The following SCAND1 variants were observed in gnomAD, a reference collection of about 807,000 sequenced individuals.
SCAND1 encodes the protein SCAN domain containing 1.
A neutral mutation model predicts 3.4 loss-of-function variants in SCAND1; 3 were observed. That is an observed-to-expected ratio of 0.87 (90% CI 0.40 to 2.25). SCAND1 has a LOEUF of 2.25. Among genes scored for constraint, SCAND1 ranks in the 30% most tolerant of loss-of-function variants. The probability of loss-of-function intolerance (pLI) is 0.05; values close to 1 mark genes in which losing one functional copy is unlikely to be tolerated. For synonymous variants in SCAND1, 152 were observed against 120.5 expected, an observed-to-expected ratio of 1.26 and a Z score of -1.72; for missense variants, 303 against 258.8, an observed-to-expected ratio of 1.17 and a Z score of -1.17.
At chr20:35,956,857 T>G (rs2056261646), upstream of SCAND1, among the ~76,000 whole-genome samples, 1 of 152,226 alleles carries the variant, frequency 6.6e-6, no homozygotes, top group African/African-American at 2.4e-5. Flanking sequence ...TAGAAGGTAC[T>G]GCCTGTACAA....
In SCAND1 at chr20:35,954,125, T is replaced by C. The variant is rs775588679; in HGVS notation, c.160A>G (p.Asn54Asp). 1.3e-6 allele frequency: 2 copies of C among 1,554,608 alleles called. No homozygotes were observed. The highest frequency in any genetic ancestry group is 1.2e-5 in the South Asian group (1 of 85,748). ...GGGATGGCTTCAGGGACCGCGGCGT[T>C]GGGACTGGAAGGCTCAGGGGCAGGC... ...SPPAPEPSSP[N>D]AAVPEAIPTP... Residue 54 changes from asparagine to aspartate, a missense_variant, in exon 2 of 2, where the codon AAC (asparagine) becomes GAC (aspartate). Transcript: ENST00000305978.
upstream of SCAND1, chr20:35,954,508 G>A (rs1293254763): frequency 6.5e-7 from 1 of 1,534,568 alleles, no homozygotes; most frequent in Middle Eastern, 1.7e-4. Flanking sequence ...TCTGCGTCCA[G>A]GTCGGCGCGC....
chr20:35,954,839 A>T, upstream of SCAND1: 1 of 313,238 alleles, frequency 3.2e-6, no homozygotes, highest in Non-Finnish European at 6.5e-6. Flanking sequence ...GATTAGGGTG[A>T]CGGCTGGCCG....
In SCAND1 at chr20:35,954,342, G is replaced by A. The variant is rs761280979; in HGVS notation, c.-55-3C>T. On this transcript the variant is annotated splice_region_variant and splice_polypyrimidine_tract_variant and intron_variant, in intron 1 of 1. Coordinates refer to ENST00000305978, the MANE Select transcript of SCAND1 (RefSeq NM_033630.3). ...TAGCTGTGTGCTCAGCACTGCGTCT[G>A]CGCGGGGGTGGGGTGAGCAGGGAGA... 74 of 1,609,012 alleles carry A rather than the reference G, an allele frequency of 4.6e-5. 1 individual carries two copies. Among genetic ancestry groups the A allele is most frequent in the Non-Finnish European group, 3.7e-5 (44 of 1,177,700 alleles).
In SCAND1 at chr20:35,954,009, G is replaced by A; in HGVS notation, c.276C>T (p.Arg92=). 14 of 1,547,440 alleles carry A rather than the reference G, an allele frequency of 9.0e-6. No individual in the cohort carries two copies. Among genetic ancestry groups the A allele is most frequent in the Non-Finnish European group, 1.1e-5 (13 of 1,146,038 alleles). The change falls in exon 2 of 2, where the codon CGC becomes CGT. Residue 92 remains arginine (R), a synonymous_variant. Coordinates refer to ENST00000305978, the MANE Select transcript of SCAND1 (RefSeq NM_033630.3). ...TAGAGCCGGCGGGGCCTGGTGTGGA[G>A]CGCGCTTCAGCTTCGGCCTGAGGCG... The part of the protein sequence containing the change: ...SVAPQAEAEA[R]STPGPAGSRL...
At position 35,953,882 on chromosome 20, in the gene SCAND1, G is replaced by A. The variant is rs2056207244; in HGVS notation, c.403C>T (p.Gln135Ter). The A allele has an allele frequency of 1.3e-6, 2 of 1,577,354 alleles. No homozygotes were observed. The highest frequency in any genetic ancestry group is 1.4e-5 in the African/African-American group (1 of 73,960). ...AFRQLRELSR[Q>*]WLRPDIRTKE... ...GTGCGGATGTCAGGCCGCAGCCACTGGCGGGACAGCTCCCGCAGCTGCCGG... is the reference window on the plus strand; with the variant it reads ...GTGCGGATGTCAGGCCGCAGCCACTAGCGGGACAGCTCCCGCAGCTGCCGG... Residue 135 changes from glutamine to a stop codon, truncating the protein, a stop_gained, in exon 2 of 2, where the codon CAG (glutamine) becomes TAG (stop). Transcript: ENST00000305978. LOFTEE classifies it high-confidence loss of function.
At position 35,954,496 on chromosome 20, in the gene SCAND1, T is replaced by C; in HGVS notation, c.-104A>G. 1 of 1,541,826 alleles carries C rather than the reference T, an allele frequency of 6.5e-7. No individual in the cohort carries two copies. The highest frequency in any genetic ancestry group is 8.8e-7 in the Non-Finnish European group (1 of 1,142,484). The stretch of plus-strand genomic sequence containing the variant: ...CAGCCGGAAGCGAAAGTCTCTGGCT[T>C]CTCTGCGTCCAGGTCGGCGCGCGAG... On this transcript the variant is annotated 5_prime_UTR_variant, in exon 1 of 2. Transcript: ENST00000305978.
At chr20:35,954,515 G>C, upstream of SCAND1, 1 of 1,530,880 alleles carries the variant, frequency 6.5e-7, no homozygotes, top group Non-Finnish European at 8.8e-7. Flanking sequence ...CCAGGTCGGC[G>C]CGCGAGCACC....
chr20:35,954,126 G>T lies in SCAND1; in HGVS notation c.159C>A (p.Pro53=). Reference sequence around the variant, plus strand: ...GGATGGCTTCAGGGACCGCGGCGTTGGGACTGGAAGGCTCAGGGGCAGGCG... The same window carrying T: ...GGATGGCTTCAGGGACCGCGGCGTTTGGACTGGAAGGCTCAGGGGCAGGCG... ...ASPPAPEPSS[P]NAAVPEAIPT... The change falls in exon 2 of 2, where the codon CCC becomes CCA. Residue 53 remains proline, a synonymous_variant. Coordinates refer to ENST00000305978, the MANE Select transcript of SCAND1 (RefSeq NM_033630.3). The T allele has an allele frequency of 6.4e-7, 1 of 1,555,170 alleles. No homozygotes were observed.
chr20:35,954,252 A>C lies in SCAND1; in HGVS notation c.33T>G (p.Thr11=). ...CCGGTGGCACCGCCGCGGGACTCCC[A>C]GTGGCCGCCAAGATCGGCTCCGTAG... The part of the protein sequence containing the change: MAATEPILAA[T]GSPAAVPPEK... Residue 11 remains threonine, a synonymous_variant, in exon 2 of 2, where the codon ACT becomes ACG. Transcript: ENST00000305978. The C allele has an allele frequency of 3.1e-6, 5 of 1,613,068 alleles. No homozygotes were observed. Among genetic ancestry groups the C allele is most frequent in the Non-Finnish European group, 4.2e-6 (5 of 1,179,928 alleles).
At chr20:35,954,557 G>C (rs1467649644), upstream of SCAND1, 1 of 1,487,650 alleles carries the variant, frequency 6.7e-7, no homozygotes, top group East Asian at 2.8e-5. Context: ...CGGAAGCGGC[G>C]CCCTCTAGCG....
At chr20:35,958,363 C>G (rs1357138275), upstream of SCAND1, among the ~76,000 whole-genome samples, 2 of 152,134 alleles carry the variant, frequency 1.3e-5, no homozygotes, top group Non-Finnish European at 2.9e-5. Context: ...ACCCGGGAGG[C>G]AGAGGTTGCA....
chr20:35,954,281 C>T lies in SCAND1; in HGVS notation c.4G>A (p.Ala2Thr). The T allele has an allele frequency of 1.9e-6, 3 of 1,613,586 alleles. No homozygotes were observed. Among genetic ancestry groups the T allele is most frequent in the Non-Finnish European group, 2.5e-6 (3 of 1,179,920 alleles). Reference protein sequence around the residue: MAATEPILAATG... With the variant: MTATEPILAATG... ...GCCGCCAAGATCGGCTCCGTAGCCG[C>T]CATAACTCCAGCTCCGGGCGTCACT... is the stretch of plus-strand genomic sequence containing the variant. The change falls in exon 2 of 2, where the codon GCG becomes ACG. Residue 2 changes from alanine (A) to threonine (T), a missense_variant. Coordinates refer to ENST00000305978, the MANE Select transcript of SCAND1 (RefSeq NM_033630.3).
chr20:35,954,344 G>C lies in SCAND1; in HGVS notation c.-55-5C>G, dbSNP rs1161438859. On this transcript the variant is annotated splice_region_variant and splice_polypyrimidine_tract_variant and intron_variant, in intron 1 of 1. Transcript: ENST00000305978. ...GCTGTGTGCTCAGCACTGCGTCTGC[G>C]CGGGGGTGGGGTGAGCAGGGAGACG... The C allele has an allele frequency of 6.2e-7, 1 of 1,608,412 alleles. No homozygotes were observed.
upstream of SCAND1, among the ~76,000 whole-genome samples, chr20:35,958,214 C>T (rs1195153745): frequency 1.3e-5 from 2 of 152,142 alleles, no homozygotes; most frequent in Admixed American, 6.5e-5. Flanking sequence ...AGGCGGATCA[C>T]GAGTTCAGGA....
upstream of SCAND1, among the ~76,000 whole-genome samples, chr20:35,958,249 A>G (rs369759655): frequency 2.0e-4 from 30 of 152,212 alleles, no homozygotes; most frequent in African/African-American, 7.0e-4. Context: ...TGGCCAATAT[A>G]GTGAAATCCC....
At chr20:35,954,503 G>A (rs1347394733), upstream of SCAND1, 4 of 1,536,822 alleles carry the variant, frequency 2.6e-6, no homozygotes, top group Non-Finnish European at 3.5e-6. Context: ...GCTTCTCTGC[G>A]TCCAGGTCGG....
upstream of SCAND1, chr20:35,959,380 A>G (rs1305710215): frequency 6.6e-6 from 1 of 152,226 alleles, no homozygotes; most frequent in Admixed American, 6.5e-5. Flanking sequence ...AAGACTGGGT[A>G]ATTTATAAAG....
chr20:35,958,467 A>G (rs1377748034), upstream of SCAND1, among the ~76,000 whole-genome samples: 7 of 152,228 alleles, frequency 4.6e-5, no homozygotes, highest in Admixed American at 4.6e-4. Context: ...GGAAATAATT[A>G]TAGATTCATA....
Sources: gnomAD v4.1 joint callset for allele counts (sites outside exome capture counted in the v4.1 genomes callset) on GRCh38, gnomAD v4.1.1 for gene constraint, MANE v1.5 for transcripts, NCBI Gene and HGNC (gene_info 2026-07-23, HGNC 2026-07-21) for gene names.